ACYP2: variants seen among roughly 807,000 people sequenced by gnomAD.
The protein encoded by ACYP2 is acylphosphatase-2.
A neutral mutation model predicts 11.2 loss-of-function variants in ACYP2; 12 were observed. That is an observed-to-expected ratio of 1.08 (90% CI 0.69 to 1.74). The LOEUF (loss-of-function observed/expected upper bound fraction) is 1.74, where lower values mean the gene tolerates loss of function less well. ACYP2 is among the 40% of genes most tolerant of loss of function. ACYP2 has a pLI of 0.00. For missense variants in ACYP2, 134 were observed against 101.9 expected (o/e 1.31, Z -1.35); for synonymous variants, 43 against 32.2 (o/e 1.33, Z -1.13).
chr2:53,984,808 A>G (rs2104513199), intron 2 of ACYP2, among the ~76,000 whole-genome samples: 1 of 151,880 alleles, frequency 6.6e-6, no homozygotes, highest in East Asian at 1.9e-4. Context: ...CATCTTAACA[A>G]ATGTTGTAGG....
chr2:54,292,529 G>A (rs1689352687), intron 6 of ACYP2, among the ~76,000 whole-genome samples: 1 of 152,092 alleles, frequency 6.6e-6, no homozygotes, highest in Non-Finnish European at 1.5e-5. Flanking sequence ...TTCTTAAAAT[G>A]TGACTCTTAG....
intron 6 of ACYP2, chr2:54,254,238 G>A (rs147238101): frequency 6.6e-6 from 1 of 152,454 alleles, no homozygotes; most frequent in Non-Finnish European, 1.5e-5. Flanking sequence ...AAGAGGAACA[G>A]GTCTTTTGTG....
intron 4 of ACYP2, among the ~76,000 whole-genome samples, chr2:54,121,055 G>A (rs1008019550): frequency 2.0e-5 from 3 of 152,194 alleles, no homozygotes; most frequent in African/African-American, 7.2e-5. Context: ...CGGCGAGCAT[G>A]AGCATATGTT....
chr2:54,207,024 ATG>A (rs1245916774), intron 6 of ACYP2, among the ~76,000 whole-genome samples: 2 of 151,202 alleles, frequency 1.3e-5, no homozygotes, highest in East Asian at 3.9e-4. Flanking sequence ...GTGTGTGTAT[ATG>A]TGTGCATGTA....
intron 4 of ACYP2, among the ~76,000 whole-genome samples, chr2:54,078,758 C>T (rs1677486511): frequency 1.3e-5 from 2 of 151,984 alleles, no homozygotes; most frequent in Admixed American, 6.6e-5. Context: ...GCCACCACAC[C>T]CGCTAATTTT....
chr2:54,272,148 T>A (rs1450815473), intron 6 of ACYP2, among the ~76,000 whole-genome samples: 2 of 152,170 alleles, frequency 1.3e-5, no homozygotes, highest in Non-Finnish European at 2.9e-5. Context: ...GCCTACCAAG[T>A]ATACAATTAT....
At chr2:54,247,120 G>A (rs1686990961) in intron 6 of ACYP2, among the ~76,000 whole-genome samples, 1 of 152,030 alleles carries the variant, frequency 6.6e-6, no homozygotes, top group South Asian at 2.1e-4. Flanking sequence ...GCGTTTTTTG[G>A]GGTATGTTAG....
chr2:54,080,482 G>T (rs1324819878), intron 4 of ACYP2: 2 of 152,074 alleles, frequency 1.3e-5, no homozygotes, highest in Non-Finnish European at 2.9e-5. Flanking sequence ...AAAATTTGTG[G>T]GTTTTTTTTC....
chr2:54,109,674 T>C (rs531582418), intron 4 of ACYP2, among the ~76,000 whole-genome samples: 1 of 152,270 alleles, frequency 6.6e-6, no homozygotes, highest in African/African-American at 2.4e-5. Flanking sequence ...AAACATATAA[T>C]AGGATACTAA....
intron 2 of ACYP2, among the ~76,000 whole-genome samples, chr2:53,989,299 T>TC (rs1402872691): frequency 2.7e-5 from 4 of 149,444 alleles, no homozygotes; most frequent in African/African-American, 9.9e-5. Flanking sequence ...TTTTTTTTTT[T>TC]TCACAGACAA....
chr2:54,058,138 A>G (rs1160957790), intron 4 of ACYP2, among the ~76,000 whole-genome samples: 1 of 152,158 alleles, frequency 6.6e-6, no homozygotes. Flanking sequence ...GGGTCTTTGA[A>G]GATAATTCAC....
intron 2 of ACYP2, among the ~76,000 whole-genome samples, chr2:54,027,483 A>T (rs555274848): frequency 6.6e-6 from 1 of 152,328 alleles, no homozygotes; most frequent in South Asian, 2.1e-4. Context: ...TTTGTCTTCC[A>T]ATCATACTTC....
intron 6 of ACYP2, chr2:54,267,224 G>A (rs942378478): frequency 2.5e-5 from 38 of 1,506,824 alleles, no homozygotes; most frequent in Non-Finnish European, 3.2e-5. Context: ...AAAGTGCCTG[G>A]CACAAAGAAG....
chr2:54,075,901 T>C (rs1210778440), intron 4 of ACYP2, among the ~76,000 whole-genome samples: 2 of 152,238 alleles, frequency 1.3e-5, no homozygotes, highest in Admixed American at 6.5e-5. Context: ...CTAAAGGTTA[T>C]AAAATATGTC....
At chr2:54,051,134 T>C (rs1378493494) in intron 3 of ACYP2, 2 of 677,570 alleles carry the variant, frequency 3.0e-6, no homozygotes, top group Non-Finnish European at 5.2e-6. Flanking sequence ...CTGAACTCCA[T>C]AGAGACAGCA....
intron 4 of ACYP2, among the ~76,000 whole-genome samples, chr2:54,130,942 A>T (rs1680865587): frequency 6.6e-6 from 1 of 152,192 alleles, no homozygotes; most frequent in Non-Finnish European, 1.5e-5. Context: ...TCTGTCATGT[A>T]GCTGTCTTAT....
At position 54,198,022 on chromosome 2, in the gene ACYP2, GTATTGTATTGT is replaced by G. The variant is rs1278604055; in HGVS notation, c.404+59275_404+59285del. Among the ~76,000 whole-genome samples the G allele has an allele frequency of 3.7e-5, 3 of 80,638 alleles. No individual in the cohort carries two copies. The Admixed American group carries it at 4.0e-4, about 11-fold the overall frequency. The allele number at this position is 80,638 out of a possible 152,430, so 52.9% of individuals were successfully genotyped here. ...GTATTGTATTGTATTGTATTGTATT[GTATTGTATTGT>G]ATTTTAAGACAGTTTCACTTTTGTC... On this transcript the variant is annotated intron_variant, in intron 6 of 6. Transcript: ENST00000607452.
At position 54,035,009 on chromosome 2, in the gene ACYP2, C is replaced by CAAAAAAAAAAAAAAAAAAAAAAAAAA. The variant is rs550142135; in HGVS notation, c.63-15926_63-15925insAAAAAAAAAAAAAAAAAAAAAAAAAA. Among the ~76,000 whole-genome samples, 70 of 44,778 alleles carry CAAAAAAAAAAAAAAAAAAAAAAAAAA rather than the reference C, an allele frequency of 1.6e-3. 8 individuals are homozygous for CAAAAAAAAAAAAAAAAAAAAAAAAAA. Among genetic ancestry groups the CAAAAAAAAAAAAAAAAAAAAAAAAAA allele is most frequent in the South Asian group, 3.0e-3 (2 of 672 alleles). 29.4% of individuals were successfully genotyped at this position (44,778 alleles called of 152,430 possible). On this transcript the variant is annotated intron_variant, in intron 2 of 6. Coordinates refer to ENST00000607452, the MANE Select transcript of ACYP2 (RefSeq NM_001320586.2). Reference sequence around the variant, plus strand: ...CAGGCGACAGTGCGAGACTACATCTCAAAAAAAAAAAAAAAAAAAAAAAGC... The same window carrying CAAAAAAAAAAAAAAAAAAAAAAAAAA: ...CAGGCGACAGTGCGAGACTACATCTCAAAAAAAAAAAAAAAAAAAAAAAAAAAAAAAAAAAAAAAAAAAAAAAAAGC...
intron 6 of ACYP2, among the ~76,000 whole-genome samples, chr2:54,145,889 T>C (rs1005843714): frequency 4.3e-4 from 66 of 152,206 alleles, no homozygotes; most frequent in Non-Finnish European, 1.9e-4. Flanking sequence ...TGGAGGCCTG[T>C]CTTCCAGTCT....
Sources: gnomAD v4.1 joint callset for allele counts (sites outside exome capture counted in the v4.1 genomes callset) on GRCh38, gnomAD v4.1.1 for gene constraint, MANE v1.5 for transcripts, NCBI Gene and HGNC (gene_info 2026-07-23, HGNC 2026-07-21) for gene names.